Variants in CUX2 observed in about 807,000 individuals in gnomAD.
CUX2 encodes homeobox protein cut-like 2.
Under a neutral mutation model 144.8 loss-of-function variants are expected in CUX2, and 40 were observed. The observed-to-expected ratio is 0.28, with a 90% CI of 0.21 to 0.36. The LOEUF (loss-of-function observed/expected upper bound fraction) is 0.36, where lower values mean the gene tolerates loss of function less well. CUX2 is among the 10% of genes least tolerant of loss of function. The pLI is 1.00. For synonymous variants in CUX2, 827 were observed against 875.6 expected, an observed-to-expected ratio of 0.94 and a Z score of 0.98; for missense variants, 1,615 against 1,994.0, an observed-to-expected ratio of 0.81 and a Z score of 3.62.
At chr12:111,151,045 T>C (rs1158980576) in intron 1 of CUX2, among the ~76,000 whole-genome samples, 2 of 152,202 alleles carry the variant, frequency 1.3e-5, no homozygotes, top group African/African-American at 4.8e-5. Context: ...TCATATGTAA[T>C]TTTTATCTCT....
chr12:111,274,404 A>G (rs1250201836), intron 4 of CUX2, among the ~76,000 whole-genome samples: 3 of 152,124 alleles, frequency 2.0e-5, no homozygotes, highest in Non-Finnish European at 4.4e-5. Flanking sequence ...TGAGGACTGT[A>G]AAGTCCTTAG....
Position 111,049,560 on chromosome 12 carries a change from C to T in CUX2, c.63+15320C>T, listed in dbSNP as rs575213224. Among the ~76,000 whole-genome samples the T allele has an allele frequency of 1.2e-3, 190 of 152,328 alleles. 1 individual carries two copies. Among genetic ancestry groups the T allele is most frequent in the African/African-American group, 4.4e-3 (183 of 41,570 alleles). On this transcript the variant is annotated intron_variant, in intron 1 of 21. Coordinates refer to ENST00000261726, the MANE Select transcript of CUX2 (RefSeq NM_015267.4). ...GAACAAGAGGGGAGACAAACACTGG[C>T]CCTGCAGGCCTGTGAGGTTGGTGAG...
chr12:111,284,468 C>G (rs1445286270), intron 4 of CUX2, among the ~76,000 whole-genome samples: 1 of 152,206 alleles, frequency 6.6e-6, no homozygotes, highest in Non-Finnish European at 1.5e-5. Context: ...TTGGTCCCTT[C>G]TGGCCTCCCT....
chr12:111,162,551 C>G (rs113851208), intron 1 of CUX2, among the ~76,000 whole-genome samples: 1,603 of 152,356 alleles, frequency 0.011, 36 homozygotes, highest in African/African-American at 0.037. Context: ...TGGGACAGCT[C>G]TCTCCATCAC....
Position 111,250,463 on chromosome 12 carries a change from G to A in CUX2, c.223-13298G>A, listed in dbSNP as rs145317754. On this transcript the variant is annotated intron_variant, in intron 3 of 21. Coordinates refer to ENST00000261726, the MANE Select transcript of CUX2 (RefSeq NM_015267.4). ...TGGGAGCGTTTGGAGGCTCAGATGC[G>A]CTAATTCCCGTGAAAGGTCTTTGTA... Among the ~76,000 whole-genome samples, 39 of 152,292 alleles carry A rather than the reference G, an allele frequency of 2.6e-4. 1 individual carries two copies. In the East Asian group the frequency reaches 5.4e-3, roughly 21 times the overall value.
intron 1 of CUX2, among the ~76,000 whole-genome samples, chr12:111,042,420 G>A (rs1869792417): frequency 6.6e-6 from 1 of 152,108 alleles, no homozygotes; most frequent in African/African-American, 2.4e-5. Context: ...CCCAGGGGAT[G>A]TGGTGTGAGC....
At chr12:111,141,762 T>G (rs1277233345) in intron 1 of CUX2, among the ~76,000 whole-genome samples, 1 of 152,204 alleles carries the variant, frequency 6.6e-6, no homozygotes. Context: ...AGTAAATATT[T>G]GCTATGGTGA....
At chr12:111,143,805 G>T (rs578243587) in intron 1 of CUX2, among the ~76,000 whole-genome samples, 11 of 152,068 alleles carry the variant, frequency 7.2e-5, no homozygotes, top group Non-Finnish European at 1.3e-4. Flanking sequence ...GGGGTGTGTG[G>T]GGGGGTTTTT....
intron 1 of CUX2, among the ~76,000 whole-genome samples, chr12:111,060,526 G>T (rs942667730): frequency 6.6e-6 from 1 of 152,206 alleles, no homozygotes; most frequent in Non-Finnish European, 1.5e-5. Context: ...GGCAGCATTT[G>T]TATCTGTCTT....
chr12:111,157,224 C>T lies in CUX2; in HGVS notation c.64-56976C>T, dbSNP rs555174986. Among the ~76,000 whole-genome samples the T allele has an allele frequency of 6.1e-5, 9 of 148,196 alleles. No individual in the cohort carries two copies. The South Asian group carries it at 1.8e-3, about 29-fold the overall frequency. ...TCACTGGCAGCTTCCTGGAGCTCTG[C>T]GTTGACAAGGATTCTTAGACTGCAT... On this transcript the variant is annotated intron_variant, in intron 1 of 21. Coordinates refer to ENST00000261726, the MANE Select transcript of CUX2 (RefSeq NM_015267.4).
chr12:111,306,088 G>A (rs749755785), intron 10 of CUX2, among the ~76,000 whole-genome samples: 7 of 152,094 alleles, frequency 4.6e-5, no homozygotes, highest in Non-Finnish European at 8.8e-5. Context: ...AGCCCATGAG[G>A]ATGCCTCGTA....
intron 1 of CUX2, among the ~76,000 whole-genome samples, chr12:111,069,029 C>A (rs1871138699): frequency 6.6e-6 from 1 of 152,064 alleles, no homozygotes; most frequent in Non-Finnish European, 1.5e-5. Context: ...TTGCTTGAAC[C>A]CAGGAAGGTA....
chr12:111,076,266 C>A (rs1871533445), intron 1 of CUX2, among the ~76,000 whole-genome samples: 1 of 152,098 alleles, frequency 6.6e-6, no homozygotes, highest in African/African-American at 2.4e-5. Context: ...CAGAACTGAT[C>A]TAAGGAGCAA....
At chr12:111,158,610 A>G (rs1359818132) in intron 1 of CUX2, among the ~76,000 whole-genome samples, 2 of 152,078 alleles carry the variant, frequency 1.3e-5, no homozygotes, top group Non-Finnish European at 2.9e-5. Flanking sequence ...GAAAGCCCGG[A>G]GCATCTGCAT....
At chr12:111,234,834 T>G (rs1219547001) in intron 3 of CUX2, among the ~76,000 whole-genome samples, 1 of 151,272 alleles carries the variant, frequency 6.6e-6, no homozygotes, top group African/African-American at 2.4e-5. Flanking sequence ...TCCTCCCACC[T>G]TAGCCTCCCG....
intron 4 of CUX2, among the ~76,000 whole-genome samples, chr12:111,266,621 G>A (rs1324366682): frequency 5.9e-5 from 9 of 152,160 alleles, no homozygotes; most frequent in Non-Finnish European, 1.0e-4. Context: ...AGACAAGAAG[G>A]ATCCTTCCCT....
At chr12:111,259,031 CTGTGTG>C (rs57814010) in intron 3 of CUX2, among the ~76,000 whole-genome samples, 1,890 of 132,276 alleles carry the variant, frequency 0.014, 30 homozygotes, top group South Asian at 0.039. Context: ...CCACACCCAG[CTGTGTG>C]TGTGTGTGTG....
At chr12:111,242,773 C>T (rs1314864388) in intron 3 of CUX2, among the ~76,000 whole-genome samples, 1 of 152,096 alleles carries the variant, frequency 6.6e-6, no homozygotes, top group Non-Finnish European at 1.5e-5. Context: ...GAGATTCCAC[C>T]ACTGCATTCC....
chr12:111,276,304 C>T (rs532935395), intron 4 of CUX2, among the ~76,000 whole-genome samples: 1 of 152,244 alleles, frequency 6.6e-6, no homozygotes, highest in African/African-American at 2.4e-5. Context: ...CAGTGAGCTG[C>T]CAGGATTGCA....
Sources: gnomAD v4.1 joint callset for allele counts (sites outside exome capture counted in the v4.1 genomes callset) on GRCh38, gnomAD v4.1.1 for gene constraint, MANE v1.5 for transcripts, NCBI Gene and HGNC (gene_info 2026-07-23, HGNC 2026-07-21) for gene names.